KCND2: variants seen among roughly 807,000 people sequenced by gnomAD.
KCND2 encodes the protein potassium voltage-gated channel subfamily D member 2.
KCND2 carries 16 observed loss-of-function variants against 54.4 expected under a neutral mutation model. That is an observed-to-expected ratio of 0.29 (90% CI 0.20 to 0.45). The LOEUF is 0.45. Ranked by LOEUF, KCND2 falls within the 20% of genes least tolerant of loss-of-function variation. The pLI is 1.00. For synonymous variants in KCND2, 317 were observed against 310.7 expected (o/e 1.02, Z -0.21); for missense variants, 486 against 824.2 (o/e 0.59, Z 5.02).
intron 1 of KCND2, among the ~76,000 whole-genome samples, chr7:120,537,455 TCAC>T (rs1443623833): frequency 6.6e-6 from 1 of 152,182 alleles, no homozygotes; most frequent in Admixed American, 6.5e-5. Flanking sequence ...TCAAATGAAG[TCAC>T]CAGCTGCATT....
chr7:120,364,399 C>T (rs918662333), intron 1 of KCND2, among the ~76,000 whole-genome samples: 1 of 152,088 alleles, frequency 6.6e-6, no homozygotes, highest in Non-Finnish European at 1.5e-5. Flanking sequence ...ATTTTCAAAG[C>T]AAAACCATTC....
chr7:120,533,644 G>A (rs1791868656), intron 1 of KCND2, among the ~76,000 whole-genome samples: 1 of 151,958 alleles, frequency 6.6e-6, no homozygotes, highest in South Asian at 2.1e-4. Context: ...TGGGTTTTAT[G>A]GCAAAGTACT....
chr7:120,593,583 T>C (rs1274726478), intron 1 of KCND2, among the ~76,000 whole-genome samples: 1 of 152,174 alleles, frequency 6.6e-6, no homozygotes, highest in Non-Finnish European at 1.5e-5. Flanking sequence ...CAAACAATTT[T>C]GGCAGCAAGA....
At chr7:120,447,074 A>T (rs1802027903) in intron 1 of KCND2, among the ~76,000 whole-genome samples, 1 of 152,204 alleles carries the variant, frequency 6.6e-6, no homozygotes, top group Admixed American at 6.5e-5. Context: ...TGAGGAAAGT[A>T]AAAGCCCAAT....
intron 1 of KCND2, among the ~76,000 whole-genome samples, chr7:120,571,467 C>A (rs1279327717): frequency 1.3e-5 from 2 of 152,156 alleles, no homozygotes; most frequent in Non-Finnish European, 2.9e-5. Flanking sequence ...GAGAGAAGGA[C>A]AAGGCAGAAA....
At chr7:120,506,285 A>G (rs1803017512) in intron 1 of KCND2, among the ~76,000 whole-genome samples, 1 of 151,848 alleles carries the variant, frequency 6.6e-6, no homozygotes, top group East Asian at 1.9e-4. Flanking sequence ...TATGAATCAT[A>G]TCCTTAAGCA....
chr7:120,533,281 A>G (rs1453411047), intron 1 of KCND2, among the ~76,000 whole-genome samples: 2 of 152,088 alleles, frequency 1.3e-5, no homozygotes, highest in Non-Finnish European at 2.9e-5. Context: ...CATGGTGTAC[A>G]TTCTCACCTT....
chr7:120,676,570 T>C (rs749498731), intron 1 of KCND2, among the ~76,000 whole-genome samples: 16 of 152,206 alleles, frequency 1.1e-4, no homozygotes, highest in Non-Finnish European at 1.6e-4. Context: ...AATGTAGTTA[T>C]TGTATATTGG....
At chr7:120,648,277 AGT>A (rs1793466527) in intron 1 of KCND2, among the ~76,000 whole-genome samples, 1 of 152,134 alleles carries the variant, frequency 6.6e-6, no homozygotes, top group Non-Finnish European at 1.5e-5. Context: ...GAGTTTGGAT[AGT>A]GCAGGTCAAA....
intron 1 of KCND2, among the ~76,000 whole-genome samples, chr7:120,394,679 C>G (rs1048567650): frequency 6.6e-6 from 1 of 151,886 alleles, no homozygotes. Context: ...AACTAAATTT[C>G]TCCCATGGTT....
chr7:120,622,268 G>T (rs1260591535), intron 1 of KCND2, among the ~76,000 whole-genome samples: 1 of 151,998 alleles, frequency 6.6e-6, no homozygotes, highest in Non-Finnish European at 1.5e-5. Flanking sequence ...CTACAAGAAG[G>T]GTTTAATTAT....
At chr7:120,676,038 A>G (rs567951444) in intron 1 of KCND2, among the ~76,000 whole-genome samples, 3 of 152,046 alleles carry the variant, frequency 2.0e-5, no homozygotes, top group Non-Finnish European at 4.4e-5. Context: ...AGGTTTGGCC[A>G]TTTTGGCCAA....
At chr7:120,318,211 A>G (rs1799841780) in intron 1 of KCND2, among the ~76,000 whole-genome samples, 1 of 152,168 alleles carries the variant, frequency 6.6e-6, no homozygotes, top group South Asian at 2.1e-4. Context: ...ACAAAATTAT[A>G]TTGAGTGGAC....
At chr7:120,723,621 G>T (rs1792695454) in intron 1 of KCND2, among the ~76,000 whole-genome samples, 1 of 152,174 alleles carries the variant, frequency 6.6e-6, no homozygotes, top group Non-Finnish European at 1.5e-5. Context: ...TGGAGGCTGA[G>T]GCTGAAGGTT....
chr7:120,640,025 T>C (rs1793352208), intron 1 of KCND2, among the ~76,000 whole-genome samples: 1 of 152,306 alleles, frequency 6.6e-6, no homozygotes, highest in African/African-American at 2.4e-5. Context: ...TGTAGACTTA[T>C]AGATATTTTA....
intron 1 of KCND2, among the ~76,000 whole-genome samples, chr7:120,655,942 G>A (rs565884843): frequency 3.3e-5 from 5 of 152,102 alleles, no homozygotes; most frequent in East Asian, 1.9e-4. Flanking sequence ...AAGAAAAGCC[G>A]TGCCTTGATT....
chr7:120,551,491 G>A, intron 1 of KCND2, among the ~76,000 whole-genome samples: 1 of 152,074 alleles, frequency 6.6e-6, no homozygotes, highest in East Asian at 1.9e-4. Flanking sequence ...ATTTCCACCT[G>A]GTAGTGACAT....
intron 1 of KCND2, among the ~76,000 whole-genome samples, chr7:120,523,541 G>A (rs1425900865): frequency 6.7e-6 from 1 of 149,398 alleles, no homozygotes; most frequent in African/African-American, 2.4e-5. Flanking sequence ...TCAGTGAGAA[G>A]TGGAAAAAAA....
At chr7:120,362,495 A>G (rs944909959) in intron 1 of KCND2, among the ~76,000 whole-genome samples, 2 of 152,140 alleles carry the variant, frequency 1.3e-5, no homozygotes, top group Non-Finnish European at 2.9e-5. Flanking sequence ...CTGGCATTTA[A>G]TTGTATTTCC....
Sources: gnomAD v4.1 joint callset for allele counts (sites outside exome capture counted in the v4.1 genomes callset) on GRCh38, gnomAD v4.1.1 for gene constraint, MANE v1.5 for transcripts, NCBI Gene and HGNC (gene_info 2026-07-23, HGNC 2026-07-21) for gene names.